ZMAT4: variants seen among roughly 807,000 people sequenced by gnomAD.
ZMAT4 encodes zinc finger matrin-type protein 4.
In ZMAT4, 17 loss-of-function variants were observed where a neutral mutation model predicts 28.7. The ratio of observed to expected loss-of-function variants is 0.59; its 90% CI spans 0.41 to 0.89. The LOEUF (loss-of-function observed/expected upper bound fraction) is 0.89. Among genes scored for constraint, ZMAT4 ranks in the 40% least tolerant of loss-of-function variants. The pLI, the probability that ZMAT4 is intolerant of heterozygous loss-of-function variation, is 0.00. For synonymous variants in ZMAT4, 117 were observed against 109.2 expected, an observed-to-expected ratio of 1.07 and a Z score of -0.44; for missense variants, 240 against 283.8, an observed-to-expected ratio of 0.85 and a Z score of 1.11.
chr8:40,751,776 G>A (rs1378851317), intron 3 of ZMAT4, among the ~76,000 whole-genome samples: 1 of 152,086 alleles, frequency 6.6e-6, no homozygotes, highest in Non-Finnish European at 1.5e-5. Flanking sequence ...ATGCAATTCT[G>A]TTGCTCTGTA....
At chr8:40,620,714 G>A (rs1277819521) in intron 5 of ZMAT4, among the ~76,000 whole-genome samples, 1 of 152,166 alleles carries the variant, frequency 6.6e-6, no homozygotes, top group Non-Finnish European at 1.5e-5. Flanking sequence ...GCTGCTACTT[G>A]AGAAATTCCA....
intron 5 of ZMAT4, among the ~76,000 whole-genome samples, chr8:40,652,949 G>T (rs929323748): frequency 1.6e-5 from 2 of 124,972 alleles, no homozygotes; most frequent in African/African-American, 3.0e-5. Flanking sequence ...GGGGGGAGGG[G>T]TGAGGGATAG....
intron 3 of ZMAT4, among the ~76,000 whole-genome samples, chr8:40,747,662 G>C (rs968237878): frequency 3.3e-5 from 5 of 152,060 alleles, no homozygotes; most frequent in African/African-American, 1.2e-4. Flanking sequence ...GGGACACACT[G>C]AAGATCCCTA....
intron 5 of ZMAT4, among the ~76,000 whole-genome samples, chr8:40,662,508 GA>G (rs768806097): frequency 2.0e-5 from 3 of 152,158 alleles, no homozygotes; most frequent in Non-Finnish European, 4.4e-5. Context: ...TTTCATTTTA[GA>G]AGCCAAGCTC....
chr8:40,609,083 T>C (rs1260966342), intron 5 of ZMAT4, among the ~76,000 whole-genome samples: 4 of 152,186 alleles, frequency 2.6e-5, no homozygotes, highest in African/African-American at 9.7e-5. Flanking sequence ...TAGTCCTGCC[T>C]CCTATCTGCC....
chr8:40,770,337 C>A (rs1435574409), intron 2 of ZMAT4, among the ~76,000 whole-genome samples: 1 of 152,070 alleles, frequency 6.6e-6, no homozygotes, highest in Non-Finnish European at 1.5e-5. Context: ...TGGCCTGACT[C>A]AAATCCAAAG....
chr8:40,888,887 G>A (rs907137605), intron 1 of ZMAT4, among the ~76,000 whole-genome samples: 1 of 152,240 alleles, frequency 6.6e-6, no homozygotes, highest in East Asian at 1.9e-4. Context: ...TTCTGGGAAG[G>A]AAGGATGACA....
intron 5 of ZMAT4, among the ~76,000 whole-genome samples, chr8:40,582,378 T>C (rs1721398421): frequency 6.6e-6 from 1 of 152,170 alleles, no homozygotes; most frequent in Admixed American, 6.5e-5. Flanking sequence ...CACACACCTG[T>C]AGTCCTAGCT....
At chr8:40,844,257 G>A (rs1265206677) in intron 1 of ZMAT4, among the ~76,000 whole-genome samples, 1 of 152,186 alleles carries the variant, frequency 6.6e-6, no homozygotes, top group Non-Finnish European at 1.5e-5. Flanking sequence ...AGTATTTCTG[G>A]GTATGTCAAT....
At chr8:40,649,475 G>A (rs1170893810) in intron 5 of ZMAT4, among the ~76,000 whole-genome samples, 1 of 152,084 alleles carries the variant, frequency 6.6e-6, no homozygotes, top group Non-Finnish European at 1.5e-5. Context: ...CATTAAGAAT[G>A]GGAGACTTTA....
At chr8:40,556,211 G>A (rs1039597152) in intron 6 of ZMAT4, among the ~76,000 whole-genome samples, 9 of 152,072 alleles carry the variant, frequency 5.9e-5, no homozygotes, top group Admixed American at 4.6e-4. Context: ...ACCGCTAGAT[G>A]AGAATTCTCA....
chr8:40,815,858 TC>T (rs1211540304), intron 2 of ZMAT4, among the ~76,000 whole-genome samples: 9 of 152,136 alleles, frequency 5.9e-5, no homozygotes, highest in African/African-American at 2.2e-4. Flanking sequence ...TTCCATTACC[TC>T]CCCGGCACTG....
At chr8:40,542,450 G>A (rs1226206339) in intron 6 of ZMAT4, among the ~76,000 whole-genome samples, 1 of 152,010 alleles carries the variant, frequency 6.6e-6, no homozygotes, top group Non-Finnish European at 1.5e-5. Context: ...GTGCAGTGGT[G>A]TGATCATAGC....
intron 5 of ZMAT4, among the ~76,000 whole-genome samples, chr8:40,648,398 A>G (rs1317622413): frequency 6.7e-6 from 1 of 149,680 alleles, no homozygotes; most frequent in African/African-American, 2.5e-5. Context: ...GAAATGAGCA[A>G]AGCCTCCAAG....
At chr8:40,664,264 A>G (rs757509317) in intron 5 of ZMAT4, among the ~76,000 whole-genome samples, 1 of 152,190 alleles carries the variant, frequency 6.6e-6, no homozygotes, top group East Asian at 1.9e-4. Context: ...CAACACCAGT[A>G]CATTCAAAAC....
chr8:40,639,584 A>C (rs2118756385), intron 5 of ZMAT4, among the ~76,000 whole-genome samples: 1 of 151,950 alleles, frequency 6.6e-6, no homozygotes, highest in African/African-American at 2.4e-5. Flanking sequence ...TTCTACAAAA[A>C]ATAAAGGGGG....
At chr8:40,615,349 G>C (rs894142965) in intron 5 of ZMAT4, among the ~76,000 whole-genome samples, 1 of 152,090 alleles carries the variant, frequency 6.6e-6, no homozygotes, top group Admixed American at 6.5e-5. Context: ...CTCTCTGGCT[G>C]CCCTTAAGAT....
chr8:40,609,316 A>G (rs1805711641), intron 5 of ZMAT4, among the ~76,000 whole-genome samples: 1 of 152,230 alleles, frequency 6.6e-6, no homozygotes, highest in Non-Finnish European at 1.5e-5. Flanking sequence ...GTGTCTTTGC[A>G]GATGAGTGAA....
chr8:40,807,435 C>T (rs1815134451), intron 2 of ZMAT4, among the ~76,000 whole-genome samples: 1 of 152,136 alleles, frequency 6.6e-6, no homozygotes, highest in South Asian at 2.1e-4. Context: ...CAGAGCGAGA[C>T]TCTGTCTCAA....
Sources: gnomAD v4.1 joint callset for allele counts (sites outside exome capture counted in the v4.1 genomes callset) on GRCh38, gnomAD v4.1.1 for gene constraint, MANE v1.5 for transcripts, NCBI Gene and HGNC (gene_info 2026-07-23, HGNC 2026-07-21) for gene names.